CRB1: variants seen among roughly 807,000 people sequenced by gnomAD.
CRB1 encodes the protein crumbs cell polarity complex component 1, also known as protein crumbs homolog 1.
A neutral mutation model predicts 120.0 loss-of-function variants in CRB1; 83 were observed. The observed-to-expected ratio is 0.69, with a 90% CI of 0.58 to 0.83. The LOEUF is 0.83. Among genes scored for constraint, CRB1 ranks in the 40% least tolerant of loss-of-function variants. The pLI, the probability that CRB1 is intolerant of heterozygous loss-of-function variation, is 0.00. For synonymous variants in CRB1, 625 were observed against 612.5 expected (o/e 1.02, Z -0.30); for missense variants, 1,699 against 1,687.6 (o/e 1.01, Z -0.12).
At chr1:197,204,976 C>T in the CRB1 span, among the ~76,000 whole-genome samples, 1 of 151,980 alleles carries the variant, frequency 6.6e-6, no homozygotes, top group Non-Finnish European at 1.5e-5. Flanking sequence ...GGATCACCTC[C>T]TTGGTTAGGT....
chr1:197,379,617 A>C (rs928123454), intron 5 of CRB1, among the ~76,000 whole-genome samples: 3 of 151,296 alleles, frequency 2.0e-5, no homozygotes, highest in East Asian at 1.9e-4. Context: ...AAAAAAAAAA[A>C]AAAAAAAAAA....
the CRB1 span, among the ~76,000 whole-genome samples, chr1:197,248,989 C>T: frequency 6.4e-3 from 966 of 151,908 alleles, 14 homozygotes; most frequent in African/African-American, 0.023. Context: ...TAACTCACCC[C>T]CTGTCTCTCA....
At chr1:197,362,678 A>G (rs2821111) in intron 5 of CRB1, among the ~76,000 whole-genome samples, 29,241 of 151,968 alleles carry the variant, frequency 0.19, 5,141 homozygotes, top group African/African-American at 0.47. Context: ...TGATATTGTT[A>G]TAGCCATTCC....
chr1:197,375,932 C>T (rs1384584605), intron 5 of CRB1, among the ~76,000 whole-genome samples: 1 of 152,148 alleles, frequency 6.6e-6, no homozygotes, highest in African/African-American at 2.4e-5. Context: ...CCCATTAAGG[C>T]AGTTTTTGTT....
rs114723416 is a variant in CRB1 at position 197,460,960 on chromosome 1, G to A, written c.4006-16704G>A. On this transcript the variant is annotated intron_variant, in intron 11 of 11. Transcript: ENST00000367400. ...ATGGAATGTAAATGGGAAAGAAATTGTAAATTTTGCTCTACGGCCCTAATA... is the reference window on the plus strand; with the variant it reads ...ATGGAATGTAAATGGGAAAGAAATTATAAATTTTGCTCTACGGCCCTAATA... 2.2e-3 allele frequency among the ~76,000 whole-genome samples: 330 copies of A among 152,238 alleles called. 2 individuals are homozygous for A. Among genetic ancestry groups the A allele is most frequent in the African/African-American group, 7.6e-3 (316 of 41,556 alleles).
At chr1:197,420,255 C>T (rs925164914) in intron 5 of CRB1, among the ~76,000 whole-genome samples, 8 of 152,004 alleles carry the variant, frequency 5.3e-5, no homozygotes, top group Admixed American at 4.6e-4. Flanking sequence ...GCAACAGCCA[C>T]GCTTATTAAA....
At chr1:197,422,064 A>T in intron 6 of CRB1, 108 bp downstream of exon 6, 2 of 999,272 alleles carry the variant, frequency 2.0e-6, no homozygotes, top group South Asian at 2.9e-5. Flanking sequence ...TAATGACCCC[A>T]CAAGACTTCT....
chr1:197,205,733 G>A, the CRB1 span, among the ~76,000 whole-genome samples: 1 of 152,038 alleles, frequency 6.6e-6, no homozygotes, highest in Admixed American at 6.5e-5. Flanking sequence ...TCCTTTCCTG[G>A]TTTTGGTATT....
chr1:197,450,958 A>C (rs1303776141), intron 11 of CRB1, among the ~76,000 whole-genome samples: 3 of 31,174 alleles, frequency 9.6e-5, no homozygotes, highest in Admixed American at 3.6e-4. Flanking sequence ...ACTCCGTCCC[A>C]AAAAAAAAAA....
At chr1:197,299,156 A>G (rs1228399085) in intron 1 of CRB1, among the ~76,000 whole-genome samples, 1 of 152,132 alleles carries the variant, frequency 6.6e-6, no homozygotes, top group Non-Finnish European at 1.5e-5. Flanking sequence ...ATCAATGAGA[A>G]AGTGACAATG....
intron 5 of CRB1, among the ~76,000 whole-genome samples, chr1:197,410,990 T>C (rs1047805248): frequency 7.2e-5 from 11 of 152,194 alleles, no homozygotes; most frequent in African/African-American, 2.7e-4. Context: ...GTACTAGTTT[T>C]CACAGTTAGA....
At chr1:197,460,482 C>A (rs1666480460) in intron 11 of CRB1, among the ~76,000 whole-genome samples, 1 of 152,000 alleles carries the variant, frequency 6.6e-6, no homozygotes, top group African/African-American at 2.4e-5. Flanking sequence ...ATCAGATGAC[C>A]AGGATTCTTA....
intron 5 of CRB1, among the ~76,000 whole-genome samples, chr1:197,403,120 C>A (rs11802794): frequency 0.26 from 39,812 of 151,998 alleles, 5,543 homozygotes; most frequent in Middle Eastern, 0.39. Flanking sequence ...GGTTTTCTTC[C>A]TTTAGCTCTT....
intron 6 of CRB1, among the ~76,000 whole-genome samples, chr1:197,425,144 G>T (rs984127952): frequency 8.5e-5 from 13 of 152,176 alleles, no homozygotes; most frequent in African/African-American, 3.1e-4. Context: ...TCAAACCTCA[G>T]GGGCTTCAAG....
intron 7 of CRB1, chr1:197,429,154 G>T: frequency 6.5e-7 from 1 of 1,531,018 alleles, no homozygotes; most frequent in Non-Finnish European, 8.7e-7. Flanking sequence ...GTGAAAAAGT[G>T]CCTGGTAATT....
chr1:197,270,549 T>G (rs778498281), intron 1 of CRB1, among the ~76,000 whole-genome samples: 4 of 152,180 alleles, frequency 2.6e-5, no homozygotes, highest in African/African-American at 4.8e-5. Context: ...ATCATCAGAA[T>G]AGTTAAATAT....
chr1:197,261,593 A>G, the CRB1 span, among the ~76,000 whole-genome samples: 1 of 152,196 alleles, frequency 6.6e-6, no homozygotes, highest in African/African-American at 2.4e-5. Context: ...TATTTATCAA[A>G]CTGTAGCATA....
chr1:197,395,407 G>A lies in CRB1; in HGVS notation c.1172-25593G>A, dbSNP rs563154378. ...TAAGCCAGAAATGTTCCCACCTTAG[G>A]TGCATGCTTTTGGCAGCCTGCTTAG... is the stretch of plus-strand genomic sequence containing the variant. On this transcript the variant is annotated intron_variant, in intron 5 of 11. Transcript: ENST00000367400. Among the ~76,000 whole-genome samples, 208 of 152,150 alleles carry A rather than the reference G, an allele frequency of 1.4e-3. 1 individual carries two copies. The highest frequency in any genetic ancestry group is 6.8e-3 in the Middle Eastern group (2 of 294).
chr1:197,222,902 A>G, the CRB1 span: 1 of 1,194,094 alleles, frequency 8.4e-7, no homozygotes, highest in Non-Finnish European at 1.3e-6. Context: ...AAGACTCTGA[A>G]CAATTCATAG....
Sources: allele counts gnomAD v4.1 joint callset (sites outside exome capture counted in the v4.1 genomes callset), GRCh38; gene constraint gnomAD v4.1.1; transcripts MANE v1.5; gene names NCBI Gene and HGNC (gene_info 2026-07-23, HGNC 2026-07-21).